IQGAP2: variants seen among roughly 807,000 people sequenced by gnomAD.
IQGAP2 encodes ras GTPase-activating-like protein IQGAP2.
IQGAP2 carries 173 observed loss-of-function variants against 201.3 expected under a neutral mutation model. The ratio of observed to expected loss-of-function variants is 0.86; its 90% CI spans 0.76 to 0.98. The LOEUF (loss-of-function observed/expected upper bound fraction) is 0.98, where lower values mean the gene tolerates loss of function less well. IQGAP2 is among the 50% of genes least tolerant of loss of function. The pLI is 0.00. For missense variants in IQGAP2, 1,687 were observed against 1,864.8 expected (o/e 0.90, Z 1.76); for synonymous variants, 675 against 673.9 (o/e 1.00, Z -0.03).
chr5:76,424,393 C>T (rs527875134), intron 1 of IQGAP2, among the ~76,000 whole-genome samples: 24 of 152,236 alleles, frequency 1.6e-4, no homozygotes, highest in Non-Finnish European at 3.1e-4. Flanking sequence ...CTACAACCTC[C>T]GCCTCCCTGG....
At chr5:76,527,508 G>T (rs1265804184) in intron 2 of IQGAP2, among the ~76,000 whole-genome samples, 1 of 152,206 alleles carries the variant, frequency 6.6e-6, no homozygotes, top group Admixed American at 6.5e-5. Context: ...TTCTAACCTA[G>T]TGTGGCTTGA....
intron 14 of IQGAP2, among the ~76,000 whole-genome samples, chr5:76,631,102 T>A (rs978305754): frequency 6.6e-6 from 1 of 152,210 alleles, no homozygotes; most frequent in African/African-American, 2.4e-5. Flanking sequence ...TATTTTAACT[T>A]GGCCTCTTTC....
intron 27 of IQGAP2, among the ~76,000 whole-genome samples, chr5:76,675,430 G>T (rs759826502): frequency 3.6e-4 from 55 of 152,318 alleles, no homozygotes; most frequent in Admixed American, 2.3e-3. Flanking sequence ...GTTGATGATT[G>T]TGTATGTGAA....
At chr5:76,591,587 G>C (rs918906990) in intron 8 of IQGAP2, among the ~76,000 whole-genome samples, 2 of 151,930 alleles carry the variant, frequency 1.3e-5, no homozygotes, top group African/African-American at 4.9e-5. Context: ...CATCTGGCAG[G>C]GTTGGCCTCC....
intron 30 of IQGAP2, among the ~76,000 whole-genome samples, 170 bp downstream of exon 30, chr5:76,684,087 G>A (rs1045843757): frequency 6.6e-6 from 1 of 152,178 alleles, no homozygotes. Context: ...TTAGAATTTA[G>A]GAAGGCATTA....
At chr5:76,457,684 A>G (rs1754183743) in intron 1 of IQGAP2, among the ~76,000 whole-genome samples, 1 of 152,160 alleles carries the variant, frequency 6.6e-6, no homozygotes, top group African/African-American at 2.4e-5. Context: ...ATTTTGGGCT[A>G]TTTTTACATT....
chr5:76,559,532 T>C (rs1224403880), intron 2 of IQGAP2, among the ~76,000 whole-genome samples: 1 of 152,150 alleles, frequency 6.6e-6, no homozygotes, highest in Non-Finnish European at 1.5e-5. Context: ...ATTGCTCTTT[T>C]CTCCCTGTGA....
At chr5:76,424,140 C>T (rs1751873225) in intron 1 of IQGAP2, among the ~76,000 whole-genome samples, 1 of 152,120 alleles carries the variant, frequency 6.6e-6, no homozygotes, top group South Asian at 2.1e-4. Context: ...AACAGAGACC[C>T]AAATTTGGGA....
chr5:76,512,538 A>T (rs1401008647), intron 2 of IQGAP2, among the ~76,000 whole-genome samples: 1 of 152,192 alleles, frequency 6.6e-6, no homozygotes, highest in Non-Finnish European at 1.5e-5. Context: ...AAAGAAACCA[A>T]ACTCTGAAGT....
intron 2 of IQGAP2, among the ~76,000 whole-genome samples, chr5:76,536,029 C>T (rs970489369): frequency 9.3e-5 from 14 of 150,280 alleles, no homozygotes; most frequent in Non-Finnish European, 1.3e-4. Flanking sequence ...TTTCTCCTAG[C>T]ACGTACCCAT....
At chr5:76,413,504 T>G (rs569677260) in intron 1 of IQGAP2, among the ~76,000 whole-genome samples, 1 of 152,356 alleles carries the variant, frequency 6.6e-6, no homozygotes, top group South Asian at 2.1e-4. Flanking sequence ...GGAAAATTCT[T>G]AAGTTATCTA....
intron 2 of IQGAP2, among the ~76,000 whole-genome samples, chr5:76,530,615 C>T (rs1332853292): frequency 1.3e-5 from 2 of 148,236 alleles, no homozygotes; most frequent in African/African-American, 2.5e-5. Flanking sequence ...TAAATATGTA[C>T]GTGCACATGC....
chr5:76,509,732 G>T (rs889505108), intron 2 of IQGAP2, among the ~76,000 whole-genome samples: 38 of 151,968 alleles, frequency 2.5e-4, no homozygotes, highest in African/African-American at 8.2e-4. Context: ...TCTAGACTTG[G>T]GAGTATCCTG....
intron 2 of IQGAP2, among the ~76,000 whole-genome samples, chr5:76,562,060 A>G (rs1206349959): frequency 6.6e-6 from 1 of 152,184 alleles, no homozygotes; most frequent in Non-Finnish European, 1.5e-5. Context: ...TTTTTTCTTT[A>G]ATGTCAGCAG....
At chr5:76,682,360 G>A (rs1328618078) in intron 28 of IQGAP2, among the ~76,000 whole-genome samples, 1 of 152,024 alleles carries the variant, frequency 6.6e-6, no homozygotes, top group Non-Finnish European at 1.5e-5. Context: ...CCGTACTTTG[G>A]AAATGTTGTT....
At chr5:76,673,657 G>A in intron 25 of IQGAP2, 68 bp downstream of exon 25, 1 of 1,514,318 alleles carries the variant, frequency 6.6e-7, no homozygotes, top group South Asian at 1.2e-5. Flanking sequence ...TGTAAAATAA[G>A]CCCCTGTAGT....
At position 76,636,876 on chromosome 5, in the gene IQGAP2, A is replaced by G. The variant is rs548981019; in HGVS notation, c.1781-158A>G. 2.0e-3 allele frequency among the ~76,000 whole-genome samples: 298 copies of G among 152,328 alleles called. 1 individual carries two copies. The highest frequency in any genetic ancestry group is 3.7e-3 in the South Asian group (18 of 4,822). On this transcript the variant is annotated intron_variant, in intron 15 of 35. Transcript: ENST00000274364. The stretch of plus-strand genomic sequence containing the variant: ...TTAGCAGGCATCTGCCATTAAATAC[A>G]TCGAATTCATTCCATGTTAGTGGGT...
At chr5:76,556,360 A>G (rs933456060) in intron 2 of IQGAP2, among the ~76,000 whole-genome samples, 3 of 152,136 alleles carry the variant, frequency 2.0e-5, no homozygotes, top group African/African-American at 4.8e-5. Flanking sequence ...TGGAGCCGCC[A>G]TCTTGAACAT....
chr5:76,511,690 T>TTA (rs200682147), intron 2 of IQGAP2, among the ~76,000 whole-genome samples: 1 of 147,928 alleles, frequency 6.8e-6, no homozygotes, highest in Non-Finnish European at 1.5e-5. Flanking sequence ...TGTTTTGTTT[T>TTA]TTTTTTTTGA....
Sources: allele counts gnomAD v4.1 joint callset (sites outside exome capture counted in the v4.1 genomes callset), GRCh38; gene constraint gnomAD v4.1.1; transcripts MANE v1.5; gene names NCBI Gene and HGNC (gene_info 2026-07-23, HGNC 2026-07-21).